DYNLT2: variants seen among roughly 807,000 people sequenced by gnomAD.
DYNLT2 encodes the protein dynein light chain Tctex-type protein 2.
Under a neutral mutation model 24.3 loss-of-function variants are expected in DYNLT2, and 24 were observed. The ratio of observed to expected loss-of-function variants is 0.99; its 90% CI spans 0.71 to 1.39. The LOEUF (loss-of-function observed/expected upper bound fraction) is 1.39. DYNLT2 is among the 40% of genes most tolerant of loss of function. The probability of loss-of-function intolerance (pLI) is 0.00; values close to 1 mark genes in which losing one functional copy is unlikely to be tolerated. For synonymous variants in DYNLT2, 85 were observed against 85.4 expected (o/e 1.00, Z 0.03); for missense variants, 246 against 234.5 (o/e 1.05, Z -0.32).
chr6:169,730,813 G>T, the DYNLT2 span, among the ~76,000 whole-genome samples: 1 of 152,208 alleles, frequency 6.6e-6, no homozygotes, highest in South Asian at 2.1e-4. Flanking sequence ...CATGAGAATG[G>T]TGTGAACCTG....
chr6:169,730,555 AT>A, the DYNLT2 span, among the ~76,000 whole-genome samples: 3 of 152,228 alleles, frequency 2.0e-5, no homozygotes, highest in Non-Finnish European at 4.4e-5. Context: ...CTCAAAATGC[AT>A]GTGGAAGAGA....
the DYNLT2 span, among the ~76,000 whole-genome samples, chr6:169,734,197 G>A: frequency 1.0e-3 from 157 of 152,264 alleles, no homozygotes; most frequent in Non-Finnish European, 1.9e-3. Context: ...AGATGATGTG[G>A]TTTTCTAAAT....
downstream of DYNLT2, among the ~76,000 whole-genome samples, chr6:169,735,631 C>T (rs943084053): frequency 2.0e-5 from 3 of 152,154 alleles, no homozygotes; most frequent in African/African-American, 7.2e-5. Flanking sequence ...AATTTGATTG[C>T]ACTGTCGTCT....
chr6:169,747,748 C>T (rs2128336477), intron 1 of DYNLT2, among the ~76,000 whole-genome samples: 1 of 152,220 alleles, frequency 6.6e-6, no homozygotes, highest in South Asian at 2.1e-4. Context: ...TATACTAATT[C>T]TATTTTTGTG....
In DYNLT2 at chr6:169,746,579, C is replaced by T. The variant is rs570474093; in HGVS notation, c.121-2305G>A. On this transcript the variant is annotated intron_variant, in intron 1 of 3. Transcript: ENST00000366774. ...TTGCATGCTATTTTGTCAACTACAG[C>T]CCTTTAACATATTAATCATAGTTAC... Among the ~76,000 whole-genome samples, 4 of 152,268 alleles carry T rather than the reference C, an allele frequency of 2.6e-5. No homozygotes were observed. In the South Asian group the frequency reaches 6.2e-4, roughly 24 times the overall value.
the DYNLT2 span, among the ~76,000 whole-genome samples, chr6:169,729,703 A>C: frequency 6.6e-6 from 1 of 152,206 alleles, no homozygotes; most frequent in Non-Finnish European, 1.5e-5. Context: ...ACATGAGGTC[A>C]CGAGAGCAGA....
chr6:169,745,670 T>C (rs1038252771), intron 1 of DYNLT2, among the ~76,000 whole-genome samples: 1 of 152,304 alleles, frequency 6.6e-6, no homozygotes, highest in Admixed American at 6.5e-5. Flanking sequence ...CTGAATTCAG[T>C]TTGCTAGTAT....
chr6:169,745,292 C>T (rs528170597), intron 1 of DYNLT2, among the ~76,000 whole-genome samples: 10 of 152,066 alleles, frequency 6.6e-5, no homozygotes, highest in African/African-American at 1.4e-4. Flanking sequence ...TTAGTAGAGA[C>T]GGGGTTTCAC....
intron 1 of DYNLT2, chr6:169,749,992 G>A (rs1789922626): frequency 6.6e-6 from 1 of 152,120 alleles, no homozygotes; most frequent in Non-Finnish European, 1.5e-5. Flanking sequence ...CCCAATTATT[G>A]TTCTATTCAA....
chr6:169,726,610 A>C, the DYNLT2 span, among the ~76,000 whole-genome samples: 2 of 152,376 alleles, frequency 1.3e-5, no homozygotes, highest in East Asian at 3.9e-4. Context: ...TTTCAAGTTA[A>C]GACTTTGGTT....
At chr6:169,744,031 C>T in intron 2 of DYNLT2, 37 bp downstream of exon 2, 2 of 1,576,328 alleles carry the variant, frequency 1.3e-6, no homozygotes, top group East Asian at 4.5e-5. Context: ...GTAGAACCCT[C>T]ATACAATACT....
chr6:169,730,694 C>G, the DYNLT2 span, among the ~76,000 whole-genome samples: 21 of 152,158 alleles, frequency 1.4e-4, no homozygotes, highest in African/African-American at 3.9e-4. Flanking sequence ...GTCAGGAGAT[C>G]GAGACCATCC....
the DYNLT2 span, chr6:169,725,396 G>A: frequency 2.5e-6 from 1 of 398,006 alleles, no homozygotes; most frequent in East Asian, 3.6e-5. Flanking sequence ...ACGTTAACAC[G>A]CTCAGTCCAG....
the DYNLT2 span, among the ~76,000 whole-genome samples, chr6:169,733,767 A>G: frequency 0.56 from 84,480 of 152,068 alleles, 27,508 homozygotes; most frequent in East Asian, 0.98. Context: ...TTGGCTATAT[A>G]GGGTCTTCTT....
intron 1 of DYNLT2, among the ~76,000 whole-genome samples, chr6:169,744,548 C>A (rs1789751995): frequency 6.6e-6 from 1 of 152,074 alleles, no homozygotes; most frequent in Admixed American, 6.5e-5. Flanking sequence ...TTAGAATATC[C>A]ATGGATGATC....
intron 3 of DYNLT2, 136 bp from the exon 4 acceptor site, chr6:169,740,431 TC>T (rs1393563001): frequency 1.6e-6 from 1 of 621,208 alleles, no homozygotes; most frequent in Non-Finnish European, 2.9e-6. Flanking sequence ...TGTCTGGTTT[TC>T]CCTTTCATAA....
chr6:169,729,527 G>T, the DYNLT2 span, among the ~76,000 whole-genome samples: 8 of 152,154 alleles, frequency 5.3e-5, no homozygotes, highest in Admixed American at 6.5e-5. Context: ...CTGAAAAACT[G>T]AGTAACAGTT....
At chr6:169,728,032 A>G in the DYNLT2 span, among the ~76,000 whole-genome samples, 1 of 152,178 alleles carries the variant, frequency 6.6e-6, no homozygotes, top group Admixed American at 6.5e-5. Context: ...CCTTCTTGAG[A>G]GTTATGGTCA....
the DYNLT2 span, among the ~76,000 whole-genome samples, chr6:169,731,192 G>A: frequency 2.0e-5 from 3 of 152,320 alleles, no homozygotes; most frequent in Middle Eastern, 3.4e-3. Context: ...TGAGAGAGAC[G>A]TTGGATTGAC....
Sources: allele counts gnomAD v4.1 joint callset (sites outside exome capture counted in the v4.1 genomes callset), GRCh38; gene constraint gnomAD v4.1.1; transcripts MANE v1.5; gene names NCBI Gene and HGNC (gene_info 2026-07-23, HGNC 2026-07-21).